Variants in NXPH1 observed in about 807,000 individuals in gnomAD.
The protein encoded by NXPH1 is neurexophilin-1.
In NXPH1, 5 loss-of-function variants were observed where a neutral mutation model predicts 23.7. That is an observed-to-expected ratio of 0.21 (90% CI 0.11 to 0.44). The LOEUF (loss-of-function observed/expected upper bound fraction) is 0.44, where lower values mean the gene tolerates loss of function less well. Among genes scored for constraint, NXPH1 ranks in the 20% least tolerant of loss-of-function variants. The probability of loss-of-function intolerance (pLI) is 0.99; values close to 1 mark genes in which losing one functional copy is unlikely to be tolerated. For synonymous variants in NXPH1, 144 were observed against 122.2 expected (o/e 1.18, Z -1.18); for missense variants, 324 against 321.6 (o/e 1.01, Z -0.06).
At chr7:8,726,205 A>G (rs1166617715) in intron 2 of NXPH1, among the ~76,000 whole-genome samples, 1 of 152,072 alleles carries the variant, frequency 6.6e-6, no homozygotes, top group East Asian at 1.9e-4. Context: ...GCTAATAGGT[A>G]CAAATGTCTT....
At chr7:8,470,974 G>A (rs1235419323) in intron 2 of NXPH1, among the ~76,000 whole-genome samples, 3 of 152,026 alleles carry the variant, frequency 2.0e-5, no homozygotes, top group Admixed American at 1.3e-4. Context: ...TTTTCTGGAG[G>A]TTAGGGCAAG....
At position 8,722,514 on chromosome 7, in the gene NXPH1, G is replaced by T. The variant is rs188604035; in HGVS notation, c.55-28494G>T. Among the ~76,000 whole-genome samples the T allele has an allele frequency of 3.3e-5, 5 of 152,310 alleles. No homozygotes were observed. The East Asian group carries it at 5.8e-4, about 18-fold the overall frequency. On this transcript the variant is annotated intron_variant, in intron 2 of 2. Coordinates refer to ENST00000405863, the MANE Select transcript of NXPH1 (RefSeq NM_152745.3). ...GTTTGTGTCCAAAGTCAACCCAAGA[G>T]ACCCCGAGGTGTAATTGCAATAGAC...
intron 2 of NXPH1, among the ~76,000 whole-genome samples, chr7:8,720,124 G>A (rs963100751): frequency 2.5e-5 from 1 of 40,112 alleles, no homozygotes. Context: ...TGAAGTTCAA[G>A]GATTGGGGAA....
At chr7:8,676,644 T>G (rs1820957718) in intron 2 of NXPH1, among the ~76,000 whole-genome samples, 1 of 152,200 alleles carries the variant, frequency 6.6e-6, no homozygotes, top group Non-Finnish European at 1.5e-5. Context: ...ATGTGCTTAT[T>G]TATCAGTATA....
chr7:8,625,795 T>C (rs944437428), intron 2 of NXPH1, among the ~76,000 whole-genome samples: 30 of 152,132 alleles, frequency 2.0e-4, no homozygotes, highest in African/African-American at 7.0e-4. Context: ...TTATCCTAGA[T>C]CAATGTCAAG....
At position 8,440,617 on chromosome 7, in the gene NXPH1, G is replaced by C. The variant is rs150816580; in HGVS notation, c.54+4850G>C. ...TCTATCTGAGGAAAGATTTTCTGCA[G>C]ACTACAGAAATTGACAGCATTGTCC... On this transcript the variant is annotated intron_variant, in intron 2 of 2. Coordinates refer to ENST00000405863, the MANE Select transcript of NXPH1 (RefSeq NM_152745.3). 1.1e-3 allele frequency among the ~76,000 whole-genome samples: 162 copies of C among 152,304 alleles called. 2 individuals carry two copies. In the East Asian group the frequency reaches 0.027, roughly 25 times the overall value.
In NXPH1 at chr7:8,643,925, A is replaced by T. The variant is rs1466281271; in HGVS notation, c.55-107083A>T. ...TGTTTCATTTCATACTTTTGTTCTTATTTTAGTATTACATTTTTGCTAATA... is the reference window on the plus strand; with the variant it reads ...TGTTTCATTTCATACTTTTGTTCTTTTTTTAGTATTACATTTTTGCTAATA... On this transcript the variant is annotated intron_variant, in intron 2 of 2. Transcript: ENST00000405863. 2.6e-5 allele frequency among the ~76,000 whole-genome samples: 4 copies of T among 152,150 alleles called. No homozygotes were observed. The South Asian group carries it at 8.3e-4, about 32-fold the overall frequency.
At chr7:8,634,756 G>A (rs1820193227) in intron 2 of NXPH1, among the ~76,000 whole-genome samples, 3 of 141,042 alleles carry the variant, frequency 2.1e-5, no homozygotes. Flanking sequence ...CCCAGGAAAT[G>A]ATAGGGTTTA....
chr7:8,518,303 T>C (rs979119185), intron 2 of NXPH1, among the ~76,000 whole-genome samples: 10 of 152,110 alleles, frequency 6.6e-5, no homozygotes, highest in African/African-American at 2.2e-4. Flanking sequence ...TGTTGAAACA[T>C]GGAAGGAGTG....
chr7:8,550,680 C>G (rs1303967645), intron 2 of NXPH1, among the ~76,000 whole-genome samples: 1 of 151,568 alleles, frequency 6.6e-6, no homozygotes, highest in Non-Finnish European at 1.5e-5. Flanking sequence ...CAGAAACTAT[C>G]AGTTAACATT....
At chr7:8,531,878 C>T (rs1563337668) in intron 2 of NXPH1, among the ~76,000 whole-genome samples, 1 of 152,166 alleles carries the variant, frequency 6.6e-6, no homozygotes, top group Non-Finnish European at 1.5e-5. Flanking sequence ...TTCTGTGTCT[C>T]ATAGTAGGTA....
chr7:8,637,696 C>T (rs1276758694), intron 2 of NXPH1, among the ~76,000 whole-genome samples: 1 of 152,118 alleles, frequency 6.6e-6, no homozygotes, highest in Non-Finnish European at 1.5e-5. Flanking sequence ...GCTACTTTGG[C>T]CTTTATTAAT....
At chr7:8,683,222 A>G (rs1043882529) in intron 2 of NXPH1, among the ~76,000 whole-genome samples, 2 of 152,244 alleles carry the variant, frequency 1.3e-5, no homozygotes, top group East Asian at 1.9e-4. Context: ...TGTCTTTTGC[A>G]TAAATGCATA....
chr7:8,586,563 G>C (rs922019148), intron 2 of NXPH1, among the ~76,000 whole-genome samples: 7 of 151,584 alleles, frequency 4.6e-5, no homozygotes, highest in African/African-American at 1.7e-4. Flanking sequence ...AGGTAGAAAG[G>C]GGATTAAGGA....
intron 2 of NXPH1, among the ~76,000 whole-genome samples, chr7:8,644,790 A>G (rs1242886875): frequency 2.0e-5 from 3 of 152,170 alleles, no homozygotes; most frequent in African/African-American, 4.8e-5. Flanking sequence ...AGCCCAGCAC[A>G]TCTTCCTCCT....
intron 2 of NXPH1, among the ~76,000 whole-genome samples, chr7:8,542,002 A>G (rs1487046270): frequency 7.9e-5 from 12 of 151,604 alleles, no homozygotes; most frequent in Non-Finnish European, 1.6e-4. Context: ...ACCTAACCAT[A>G]TCATGAATTA....
At chr7:8,496,324 C>G (rs1262247460) in intron 2 of NXPH1, among the ~76,000 whole-genome samples, 1 of 151,980 alleles carries the variant, frequency 6.6e-6, no homozygotes, top group Middle Eastern at 3.2e-3. Flanking sequence ...TTCCTCTTTC[C>G]TTCCTCATTG....
At chr7:8,587,630 C>G (rs1819005787) in intron 2 of NXPH1, among the ~76,000 whole-genome samples, 2 of 152,128 alleles carry the variant, frequency 1.3e-5, no homozygotes, top group African/African-American at 4.8e-5. Context: ...TGATATCCCT[C>G]CCCTAGCCCC....
intron 2 of NXPH1, among the ~76,000 whole-genome samples, chr7:8,739,215 A>T (rs946160749): frequency 6.5e-5 from 9 of 138,712 alleles, no homozygotes; most frequent in African/African-American, 2.2e-4. Context: ...CCCTGCAGCT[A>T]GCTCTTTGTC....
Sources: allele counts gnomAD v4.1 joint callset (sites outside exome capture counted in the v4.1 genomes callset), GRCh38; gene constraint gnomAD v4.1.1; transcripts MANE v1.5; gene names NCBI Gene and HGNC (gene_info 2026-07-23, HGNC 2026-07-21).